Variants in ARNT observed in about 807,000 individuals in gnomAD.
The protein encoded by ARNT is class E basic helix-loop-helix protein 2.
ARNT carries 30 observed loss-of-function variants against 105.0 expected under a neutral mutation model. The ratio of observed to expected loss-of-function variants is 0.29; its 90% CI spans 0.21 to 0.39. ARNT has a LOEUF of 0.39. Ranked by LOEUF, ARNT falls within the 10% of genes least tolerant of loss-of-function variation. The probability of loss-of-function intolerance (pLI) is 1.00; values close to 1 mark genes in which losing one functional copy is unlikely to be tolerated. For synonymous variants in ARNT, 304 were observed against 344.0 expected (o/e 0.88, Z 1.29); for missense variants, 748 against 978.7 (o/e 0.76, Z 3.15).
chr1:150,839,742 G>C lies in ARNT; in HGVS notation c.273-88C>G, dbSNP rs587652390. The C allele has an allele frequency of 4.5e-6, 6 of 1,332,238 alleles. No individual in the cohort carries two copies. The African/African-American group carries it at 8.7e-5, about 19-fold the overall frequency. 82.5% of individuals were successfully genotyped at this position (1,332,238 alleles called of 1,614,324 possible). The stretch of plus-strand genomic sequence containing the variant: ...GAGTGATATGGATACCAAGTGTGCT[G>C]CTGAAGAATGTGGTATTCAGATTTA... On this transcript the variant is annotated intron_variant, in intron 5 of 21. Transcript: ENST00000358595.
chr1:150,856,963 A>T (rs1322915185), intron 2 of ARNT, among the ~76,000 whole-genome samples: 2 of 149,376 alleles, frequency 1.3e-5, no homozygotes, highest in East Asian at 3.9e-4. Context: ...AAAAAAACCA[A>T]AAAGAAAATT....
rs587609512 is a variant in ARNT at position 150,811,515 on chromosome 1, T to C, written c.*506A>G. The C allele has an allele frequency of 8.6e-6, 2 of 233,696 alleles. No individual in the cohort carries two copies. The highest frequency in any genetic ancestry group is 6.0e-5 in the East Asian group (1 of 16,718). The allele number at this position is 233,696 out of a possible 1,614,324, so 14.5% of individuals were successfully genotyped here. A position where few individuals can be genotyped will look rare whatever the true frequency, so the allele number is the denominator to read the frequency against. Reference sequence around the variant, plus strand: ...TCTCTCTCACTTACTCACATGTTTCTTTCCAGAGGGACTGCTCACAGGCAG... The same window carrying C: ...TCTCTCTCACTTACTCACATGTTTCCTTCCAGAGGGACTGCTCACAGGCAG... On this transcript the variant is annotated 3_prime_UTR_variant, in exon 22 of 22. Transcript: ENST00000358595.
chr1:150,870,221 G>A (rs1004882574), intron 1 of ARNT, among the ~76,000 whole-genome samples: 2 of 151,968 alleles, frequency 1.3e-5, no homozygotes, highest in Non-Finnish European at 2.9e-5. Flanking sequence ...TACCTAATAC[G>A]ATTGTTATAA....
rs764949832 is a variant in ARNT at position 150,852,845 on chromosome 1, T to C, written c.138-39A>G. The C allele has an allele frequency of 4.3e-6, 7 of 1,611,928 alleles. No homozygotes were observed. The African/African-American group carries it at 9.4e-5, about 22-fold the overall frequency. ...ACAATAAATACTTTAAGCCTGCTGA[T>C]AATACAAAACATTAAGAAGTTAAAA... On this transcript the variant is annotated intron_variant, in intron 2 of 21. Coordinates refer to ENST00000358595, the MANE Select transcript of ARNT (RefSeq NM_001668.4).
At chr1:150,874,111 A>G (rs1418139657) in intron 1 of ARNT, among the ~76,000 whole-genome samples, 1 of 151,876 alleles carries the variant, frequency 6.6e-6, no homozygotes, top group Non-Finnish European at 1.5e-5. Flanking sequence ...CCTAGTCCTT[A>G]AAATGGCTCT....
intron 13 of ARNT, among the ~76,000 whole-genome samples, chr1:150,823,866 C>T (rs1320696416): frequency 1.4e-5 from 2 of 141,218 alleles, no homozygotes; most frequent in Non-Finnish European, 3.0e-5. Flanking sequence ...TTTTTTGAGA[C>T]GGAGTCTCGC....
intron 14 of ARNT, among the ~76,000 whole-genome samples, chr1:150,821,187 T>A (rs1656985807): frequency 6.6e-6 from 1 of 152,224 alleles, no homozygotes. Flanking sequence ...GTCATCTATA[T>A]GAAGTGGCAA....
chr1:150,815,556 A>G (rs1655664844), intron 19 of ARNT, among the ~76,000 whole-genome samples: 2 of 135,832 alleles, frequency 1.5e-5, no homozygotes, highest in South Asian at 4.7e-4. Flanking sequence ...GTCTCAAGAA[A>G]AAAAAAAAAA....
chr1:150,835,105 C>T (rs185842476), intron 7 of ARNT, among the ~76,000 whole-genome samples: 38 of 138,832 alleles, frequency 2.7e-4, no homozygotes, highest in African/African-American at 8.4e-4. Context: ...AGTCACTGTA[C>T]TCTAGCCTCA....
In ARNT at chr1:150,816,754, G is replaced by T. The variant is rs1434428748; in HGVS notation, c.1802+34C>A. On this transcript the variant is annotated intron_variant, in intron 18 of 21. Transcript: ENST00000358595. ...GGATTCAGCAGCTGAATCCCTCAGG[G>T]CCCTGTAAAGCAGCACATATATACG... 2.6e-6 allele frequency: 4 copies of T among 1,538,502 alleles called. No individual in the cohort carries two copies. In the South Asian group the frequency reaches 5.1e-5, roughly 19 times the overall value.
chr1:150,851,762 T>C (rs1421838882), intron 3 of ARNT, among the ~76,000 whole-genome samples: 1 of 152,256 alleles, frequency 6.6e-6, no homozygotes, highest in South Asian at 2.1e-4. Flanking sequence ...CCAGAGACCT[T>C]TGTTCACTTG....
intron 14 of ARNT, among the ~76,000 whole-genome samples, chr1:150,820,054 G>A (rs1656741805): frequency 6.6e-6 from 1 of 152,176 alleles, no homozygotes; most frequent in African/African-American, 2.4e-5. Context: ...GACCAAATCA[G>A]GCCCACTGCC....
Position 150,813,187 on chromosome 1 carries a change from C to T in ARNT, c.2265G>A (p.Gln755=). The change falls in exon 21 of 22, where the codon CAG becomes CAA. Residue 755 remains glutamine (Q), a synonymous_variant. Transcript: ENST00000358595. ...ACTCTCTTACCTGGAAGACCTCAGGCTGGCCAGGTTGCTGTGCTGGCGGTT... is the reference window on the plus strand; with the variant it reads ...ACTCTCTTACCTGGAAGACCTCAGGTTGGCCAGGTTGCTGTGCTGGCGGTT... The part of the protein sequence containing the change: ...VQQPPAQQPG[Q]PEVFQEMLSM... 1.2e-6 allele frequency: 2 copies of T among 1,613,376 alleles called. No homozygotes were observed. The highest frequency in any genetic ancestry group is 1.3e-5 in the African/African-American group (1 of 75,032).
In ARNT at chr1:150,836,266, C is replaced by G. The variant is rs770843265; in HGVS notation, c.700+14G>C. 1.9e-6 allele frequency: 3 copies of G among 1,612,164 alleles called. No individual in the cohort carries two copies. Among genetic ancestry groups the G allele is most frequent in the Admixed American group, 1.7e-5 (1 of 59,958 alleles). Reference sequence around the variant, plus strand: ...AAGGACTTCTCATTCATTTCCCATACACATAACTCTCACCTGTCAGGGCAT... The same window carrying G: ...AAGGACTTCTCATTCATTTCCCATAGACATAACTCTCACCTGTCAGGGCAT... On this transcript the variant is annotated intron_variant, in intron 7 of 21. Coordinates refer to ENST00000358595, the MANE Select transcript of ARNT (RefSeq NM_001668.4).
chr1:150,870,883 T>C (rs1475785951), intron 1 of ARNT, among the ~76,000 whole-genome samples: 1 of 151,228 alleles, frequency 6.6e-6, no homozygotes, highest in African/African-American at 2.4e-5. Flanking sequence ...AAATATAAAA[T>C]GGGCCTCAGA....
chr1:150,831,462 T>G (rs1394175030), intron 10 of ARNT: 1 of 189,848 alleles, frequency 5.3e-6, no homozygotes, highest in Non-Finnish European at 1.1e-5. Context: ...CCCTTTTCTC[T>G]CAAAGTCTTG....
chr1:150,811,831 C>T lies in ARNT; in HGVS notation c.*190G>A, dbSNP rs1272442098. The T allele has an allele frequency of 5.1e-6, 2 of 395,142 alleles. No homozygotes were observed. The highest frequency in any genetic ancestry group is 4.1e-5 in the African/African-American group (2 of 48,404). 24.5% of individuals were successfully genotyped at this position (395,142 alleles called of 1,614,324 possible). A position where few individuals can be genotyped will look rare whatever the true frequency, so the allele number is the denominator to read the frequency against. On this transcript the variant is annotated 3_prime_UTR_variant, in exon 22 of 22. Coordinates refer to ENST00000358595, the MANE Select transcript of ARNT (RefSeq NM_001668.4). The stretch of plus-strand genomic sequence containing the variant: ...GTCCTAAAAGCCTTGGAGATTCATT[C>T]CATTTCTTCTATAAATGTTACCTTA...
intron 4 of ARNT, among the ~76,000 whole-genome samples, chr1:150,845,222 C>G (rs1661981433): frequency 6.6e-6 from 1 of 152,120 alleles, no homozygotes; most frequent in African/African-American, 2.4e-5. Flanking sequence ...GAGTTTGAGG[C>G]TGCAGTGAGC....
chr1:150,829,562 A>C (rs754478895), intron 11 of ARNT: 5 of 582,534 alleles, frequency 8.6e-6, no homozygotes, highest in East Asian at 7.4e-5. Flanking sequence ...TGAAAAAATC[A>C]AAATAATTCC....
Sources: gnomAD v4.1 joint callset for allele counts (sites outside exome capture counted in the v4.1 genomes callset) on GRCh38, gnomAD v4.1.1 for gene constraint, MANE v1.5 for transcripts, NCBI Gene and HGNC (gene_info 2026-07-23, HGNC 2026-07-21) for gene names.